Variants in WTAP observed in about 807,000 individuals in gnomAD.
WTAP encodes the protein pre-mRNA-splicing regulator WTAP.
In WTAP, 8 loss-of-function variants were observed where a neutral mutation model predicts 50.0. That is an observed-to-expected ratio of 0.16 (90% confidence interval 0.09 to 0.29). The LOEUF is 0.29. Ranked by LOEUF, WTAP falls within the 10% of genes least tolerant of loss-of-function variation. WTAP has a pLI of 1.00. For synonymous variants in WTAP, 194 were observed against 169.0 expected (o/e 1.15, Z -1.15); for missense variants, 295 against 470.7 (o/e 0.63, Z 3.45).
chr6:159,731,966 T>A (rs1778599346), intron 1 of WTAP, among the ~76,000 whole-genome samples: 1 of 150,954 alleles, frequency 6.6e-6, no homozygotes, highest in Non-Finnish European at 1.5e-5. Context: ...TGGATACCTG[T>A]CTTTAAGAAG....
chr6:159,730,703 A>G lies in WTAP; in HGVS notation c.-9+3000A>G, dbSNP rs1003313555. ...TTCTTTCTAAATACTGAGGCTCTGA[A>G]TTTCCCAAGTTGGATACCCCAGACA... On this transcript the variant is annotated intron_variant, in intron 1 of 7. Transcript: ENST00000621533. 2.0e-5 allele frequency among the ~76,000 whole-genome samples: 3 copies of G among 152,212 alleles called. No homozygotes were observed. In the East Asian group the frequency reaches 5.8e-4, roughly 29 times the overall value.
At chr6:159,727,054 C>A (rs753148989), upstream of WTAP, 31 of 1,217,500 alleles carry the variant, frequency 2.5e-5, no homozygotes, top group Non-Finnish European at 3.3e-5. Context: ...GTACTTCCAC[C>A]TTCCCTTCCC....
chr6:159,728,666 G>A (rs188838242), intron 1 of WTAP, among the ~76,000 whole-genome samples: 41 of 152,300 alleles, frequency 2.7e-4, no homozygotes, highest in Middle Eastern at 3.4e-3. Context: ...AAAACTATGA[G>A]CGAAAAATCT....
At position 159,748,022 on chromosome 6, in the gene WTAP, CTG is replaced by C. The variant is rs544609576; in HGVS notation, c.274-167_274-166del. Among the ~76,000 whole-genome samples, 3 of 152,064 alleles carry C rather than the reference CTG, an allele frequency of 2.0e-5. No homozygotes were observed. Among genetic ancestry groups the C allele is most frequent in the South Asian group, 4.1e-4 (2 of 4,830 alleles). ...GCATATTCATCAAATAGTTTTTAGTCTGTACTTTTTCTAGAAAGTTTTAAGAT... is the reference window on the plus strand; with the variant it reads ...GCATATTCATCAAATAGTTTTTAGTCTACTTTTTCTAGAAAGTTTTAAGAT... On this transcript the variant is annotated intron_variant, in intron 5 of 7. Coordinates refer to ENST00000621533, the MANE Select transcript of WTAP (RefSeq NM_001270531.2). The surrounding 1 kb of genome is among the most constrained non-coding windows in gnomAD (Gnocchi z 5.6).
Position 159,755,566 on chromosome 6 carries a change from G to C in WTAP, c.1146G>C (p.Gln382His), listed in dbSNP as rs1432710988. ...GNRTVGSRHV[Q>H]NGLDSSVNVQ... is the part of the protein sequence containing the mutation. ...GAACTGTGGGTTCCCGCCACGTTCA[G>C]AATGGCTTGGACTCAAGTGTAAATG... Residue 382 changes from glutamine to histidine, a missense_variant, in exon 8 of 8, where the codon CAG (glutamine) becomes CAC (histidine). Physicochemically the swap from Gln to His is conservative, Grantham distance 24 (BLOSUM62 0). This residue lies in a region of WTAP where 175 missense variants were observed against 183.1 expected (regional missense o/e 0.96). Transcript: ENST00000621533. The C allele has an allele frequency of 1.9e-6, 3 of 1,613,926 alleles. No homozygotes were observed. The highest frequency in any genetic ancestry group is 8.5e-7 in the Non-Finnish European group (1 of 1,179,998).
rs950186960 is a variant in WTAP, at chr6:159,753,717, C to G, written c.607+103C>G. 5.8e-6 allele frequency: 8 copies of G among 1,380,486 alleles called. No individual in the cohort carries two copies. In the African/African-American group the frequency reaches 1.2e-4, roughly 20 times the overall value. 85.5% of individuals were successfully genotyped at this position (1,380,486 alleles called of 1,614,324 possible). Reference sequence around the variant, plus strand: ...AGGTTAGATTCTGTACATTGTTAACCTCTGCCCTATGATTGTATATTATTG... The same window carrying G: ...AGGTTAGATTCTGTACATTGTTAACGTCTGCCCTATGATTGTATATTATTG... On this transcript the variant is annotated intron_variant, in intron 7 of 7. Coordinates refer to ENST00000621533, the MANE Select transcript of WTAP (RefSeq NM_001270531.2).
chr6:159,729,700 T>C (rs552774117), intron 1 of WTAP, among the ~76,000 whole-genome samples: 4 of 152,348 alleles, frequency 2.6e-5, no homozygotes, highest in African/African-American at 9.6e-5. Context: ...GAATCACACA[T>C]GGCAGATAGA....
chr6:159,740,690 T>C (rs1266221756), intron 3 of WTAP, among the ~76,000 whole-genome samples: 1 of 151,662 alleles, frequency 6.6e-6, no homozygotes, highest in Non-Finnish European at 1.5e-5. Flanking sequence ...GAAGGTTTTT[T>C]TTTTTTCTTT....
chr6:159,739,106 A>G (rs866076487), intron 3 of WTAP, 61 bp downstream of exon 3: 2 of 1,313,616 alleles, frequency 1.5e-6, no homozygotes, highest in East Asian at 2.4e-5. Flanking sequence ...GTGACTCTAC[A>G]CTGTAATTGT....
intron 2 of WTAP, among the ~76,000 whole-genome samples, chr6:159,736,914 A>C (rs1487618651): frequency 6.6e-6 from 1 of 152,210 alleles, no homozygotes; most frequent in African/African-American, 2.4e-5. Flanking sequence ...AAAGCTTACT[A>C]AACTTAATAT....
At chr6:159,729,049 G>T (rs189695057) in intron 1 of WTAP, among the ~76,000 whole-genome samples, 1 of 152,254 alleles carries the variant, frequency 6.6e-6, no homozygotes, top group African/African-American at 2.4e-5. Context: ...TGTATTGTTT[G>T]TCAGAAATAA....
At position 159,730,238 on chromosome 6, in the gene WTAP, G is replaced by A. The variant is rs574882681; in HGVS notation, c.-9+2535G>A. On this transcript the variant is annotated intron_variant, in intron 1 of 7. Transcript: ENST00000621533. ...ACTAACTTTGACTTTGAAAAGTGCT[G>A]TTATTAAATGTGTGATTCATAAGAA... Among the ~76,000 whole-genome samples the A allele has an allele frequency of 1.2e-4, 19 of 152,216 alleles. No homozygotes were observed. In the East Asian group the frequency reaches 3.3e-3, roughly 26 times the overall value.
intron 6 of WTAP, 146 bp from the exon 7 acceptor site, chr6:159,753,314 T>C (rs1285590470): frequency 1.7e-6 from 2 of 1,162,972 alleles, no homozygotes; most frequent in Admixed American, 2.3e-5. Flanking sequence ...GATGGATGTG[T>C]CCCAGAAAAG....
chr6:159,747,519 A>G (rs528321716), intron 5 of WTAP, among the ~76,000 whole-genome samples: 2 of 152,330 alleles, frequency 1.3e-5, no homozygotes, highest in East Asian at 3.9e-4. Context: ...AAGGTCCTAT[A>G]GAGTTTTGCT....
Position 159,753,327 on chromosome 6 carries a change from G to A in WTAP, c.453-133G>A, listed in dbSNP as rs754898556. ...AAGATGGATGTGTCCCAGAAAAGAA[G>A]ATGGTAATTATGGGGAAGCATCTGC... On this transcript the variant is annotated intron_variant, in intron 6 of 7. Coordinates refer to ENST00000621533, the MANE Select transcript of WTAP (RefSeq NM_001270531.2). 5 of 1,254,218 alleles carry A rather than the reference G, an allele frequency of 4.0e-6. No homozygotes were observed. The Admixed American group carries it at 1.1e-4, about 28-fold the overall frequency. 77.7% of individuals were successfully genotyped at this position (1,254,218 alleles called of 1,614,324 possible).
chr6:159,727,452 A>AGGGCGGAGCG, upstream of WTAP: 7 of 949,888 alleles, frequency 7.4e-6, no homozygotes, highest in African/African-American at 2.8e-5. Flanking sequence ...GGGGCGGGGC[A>AGGGCGGAGCG]GGGCGGAGCG....
chr6:159,746,770 G>C (rs1367412988), intron 5 of WTAP, among the ~76,000 whole-genome samples: 1 of 152,056 alleles, frequency 6.6e-6, no homozygotes, highest in Non-Finnish European at 1.5e-5. Context: ...ATAGATTTAG[G>C]AATAAAACTA....
rs1316243386 is a variant in WTAP, at chr6:159,727,663, C to G, written c.-49C>G. 1 of 984,684 alleles carries G rather than the reference C, an allele frequency of 1.0e-6. No individual in the cohort carries two copies. Among genetic ancestry groups the G allele is most frequent in the African/African-American group, 1.8e-5 (1 of 56,804 alleles). The allele number at this position is 984,684 out of a possible 1,614,324, so 61.0% of individuals were successfully genotyped here. A position where few individuals can be genotyped will look rare whatever the true frequency, so the allele number is the denominator to read the frequency against. On this transcript the variant is annotated 5_prime_UTR_variant, in exon 1 of 8. Transcript: ENST00000621533. The stretch of plus-strand genomic sequence containing the variant: ...GCAGGGCAAGCAGCGCGGCCTCGGC[C>G]TATGCGACCGGTGGCGCCGGCGCGG...
At chr6:159,738,795 A>G (rs373131623) in intron 2 of WTAP, among the ~76,000 whole-genome samples, 195 bp from the exon 3 acceptor site, 1 of 152,004 alleles carries the variant, frequency 6.6e-6, no homozygotes, top group Non-Finnish European at 1.5e-5. Context: ...TTTCCTAATG[A>G]TGATGCCCAT....
Sources: gnomAD v4.1 joint callset for allele counts (sites outside exome capture counted in the v4.1 genomes callset) on GRCh38, gnomAD v4.1.1 for gene constraint, gnomAD v4.1.1 regional missense constraint, Gnocchi (gnomAD v3.1) non-coding constraint, MANE v1.5 for transcripts, NCBI Gene and HGNC (gene_info 2026-07-23, HGNC 2026-07-21) for gene names.